TRAPPC9: variants seen among roughly 807,000 people sequenced by gnomAD.
The protein encoded by TRAPPC9 is IKK2 binding protein.
Under a neutral mutation model 124.0 loss-of-function variants are expected in TRAPPC9, and 83 were observed. That is an observed-to-expected ratio of 0.67 (90% CI 0.56 to 0.80). TRAPPC9 has a LOEUF of 0.80. Ranked by LOEUF, TRAPPC9 falls within the 30% of genes least tolerant of loss-of-function variation. TRAPPC9 has a pLI of 0.00. For missense variants in TRAPPC9, 1,302 were observed against 1,508.3 expected (o/e 0.86, Z 2.27); for synonymous variants, 638 against 617.5 (o/e 1.03, Z -0.49).
upstream of TRAPPC9, chr8:140,458,329 A>G (rs774897976): frequency 2.5e-6 from 4 of 1,579,078 alleles, no homozygotes; most frequent in East Asian, 9.2e-5. Flanking sequence ...TGTGAAGCTC[A>G]GGGGTGGAGG....
At chr8:140,366,053 A>G (rs1007607823) in intron 8 of TRAPPC9, among the ~76,000 whole-genome samples, 1 of 152,214 alleles carries the variant, frequency 6.6e-6, no homozygotes, top group Non-Finnish European at 1.5e-5. Flanking sequence ...GTAGTTTGGT[A>G]TGAATAATCA....
At chr8:140,385,398 C>A (rs988891251) in intron 7 of TRAPPC9, among the ~76,000 whole-genome samples, 18 of 151,730 alleles carry the variant, frequency 1.2e-4, no homozygotes, top group Non-Finnish European at 2.4e-4. Flanking sequence ...TTGAAAAGAT[C>A]AACAAAATTG....
At chr8:140,130,463 G>A in intron 17 of TRAPPC9, among the ~76,000 whole-genome samples, 1 of 152,134 alleles carries the variant, frequency 6.6e-6, no homozygotes, top group Non-Finnish European at 1.5e-5. Flanking sequence ...TTGTCATGAG[G>A]TAGCATCAAA....
At chr8:139,745,779 C>T (rs565906472) in intron 21 of TRAPPC9, among the ~76,000 whole-genome samples, 9 of 152,340 alleles carry the variant, frequency 5.9e-5, no homozygotes, top group Admixed American at 5.9e-4. Flanking sequence ...CTGGGCTCGC[C>T]GCCTTGCTAC....
At chr8:140,406,346 C>A (rs1420198915) in intron 5 of TRAPPC9, among the ~76,000 whole-genome samples, 2 of 152,150 alleles carry the variant, frequency 1.3e-5, no homozygotes, top group Non-Finnish European at 2.9e-5. Flanking sequence ...AAAATATTCT[C>A]CTAAATCTCA....
chr8:139,801,710 C>G (rs1370447007), intron 21 of TRAPPC9, among the ~76,000 whole-genome samples: 1 of 152,226 alleles, frequency 6.6e-6, no homozygotes, highest in African/African-American at 2.4e-5. Flanking sequence ...CAGACGGGAC[C>G]TGCCAGGAAT....
At chr8:139,783,894 A>G (rs1471692622) in intron 21 of TRAPPC9, among the ~76,000 whole-genome samples, 1 of 152,258 alleles carries the variant, frequency 6.6e-6, no homozygotes, top group Non-Finnish European at 1.5e-5. Context: ...GAGAAACCAT[A>G]TGATCATCTT....
chr8:140,276,309 C>T (rs1202676861), intron 14 of TRAPPC9, among the ~76,000 whole-genome samples: 1 of 152,168 alleles, frequency 6.6e-6, no homozygotes, highest in Non-Finnish European at 1.5e-5. Context: ...CAGAAGCTGT[C>T]CCACAGACCC....
At chr8:140,198,433 G>A (rs1409154205) in intron 17 of TRAPPC9, among the ~76,000 whole-genome samples, 1 of 151,954 alleles carries the variant, frequency 6.6e-6, no homozygotes, top group African/African-American at 2.4e-5. Flanking sequence ...GGATCAGCTG[G>A]TACCACCCAG....
At chr8:139,747,029 C>T (rs1353535211) in intron 21 of TRAPPC9, among the ~76,000 whole-genome samples, 2 of 152,212 alleles carry the variant, frequency 1.3e-5, no homozygotes, top group Non-Finnish European at 2.9e-5. Flanking sequence ...AATATGCCTG[C>T]TGGCTGGAAG....
chr8:139,787,045 T>C (rs1350485980), intron 21 of TRAPPC9, among the ~76,000 whole-genome samples: 1 of 152,178 alleles, frequency 6.6e-6, no homozygotes, highest in African/African-American at 2.4e-5. Flanking sequence ...TCAGTAAGAC[T>C]ACAACAAAGC....
intron 19 of TRAPPC9, among the ~76,000 whole-genome samples, chr8:139,938,982 CAAAT>C (rs1833722568): frequency 6.6e-6 from 1 of 152,348 alleles, no homozygotes; most frequent in African/African-American, 2.4e-5. Flanking sequence ...AGAAATAAGA[CAAAT>C]GAATAAAGTG....
At chr8:140,376,450 G>A (rs190111145) in intron 7 of TRAPPC9, among the ~76,000 whole-genome samples, 1 of 151,656 alleles carries the variant, frequency 6.6e-6, no homozygotes, top group African/African-American at 2.4e-5. Context: ...CAGCTACTTG[G>A]GAGGCTGAGG....
intron 15 of TRAPPC9, among the ~76,000 whole-genome samples, chr8:140,266,737 G>A (rs2064675117): frequency 6.7e-6 from 1 of 150,324 alleles, no homozygotes; most frequent in African/African-American, 2.5e-5. Flanking sequence ...GTGGGTGCCT[G>A]TAGTCCCAGC....
chr8:140,075,302 A>G (rs1843440203), intron 17 of TRAPPC9, among the ~76,000 whole-genome samples: 1 of 152,240 alleles, frequency 6.6e-6, no homozygotes, highest in Non-Finnish European at 1.5e-5. Context: ...ATTGTTACTC[A>G]TTACAAAGAT....
At chr8:140,213,158 A>G (rs2063105965) in intron 17 of TRAPPC9, among the ~76,000 whole-genome samples, 1 of 149,900 alleles carries the variant, frequency 6.7e-6, no homozygotes, top group Admixed American at 6.6e-5. Flanking sequence ...TATATTTTCC[A>G]TTTCAATTTT....
At chr8:140,346,993 G>A (rs1234040719) in intron 9 of TRAPPC9, among the ~76,000 whole-genome samples, 5 of 152,134 alleles carry the variant, frequency 3.3e-5, no homozygotes, top group Non-Finnish European at 5.9e-5. Context: ...GGGTAGCATC[G>A]GTTCCGGGGC....
Position 139,932,492 on chromosome 8 carries a change from G to T in TRAPPC9, c.2811-22192C>A, listed in dbSNP as rs781770883. 1.0e-4 allele frequency: 47 copies of T among 457,050 alleles called. 2 individuals are homozygous for T. Among genetic ancestry groups the T allele is most frequent in the South Asian group, 7.0e-4 (45 of 64,534 alleles). The allele number at this position is 457,050 out of a possible 1,614,324, so 28.3% of individuals were successfully genotyped here. On this transcript the variant is annotated intron_variant, in intron 19 of 22. Transcript: ENST00000438773. The stretch of plus-strand genomic sequence containing the variant: ...AAATGTCATGTAGACACTGGGCGCG[G>T]TGGCTCACGCCTGTAATCCCAGCAC...
chr8:139,783,199 A>G (rs1821958708), intron 21 of TRAPPC9, among the ~76,000 whole-genome samples: 2 of 152,308 alleles, frequency 1.3e-5, no homozygotes, highest in Admixed American at 6.5e-5. Context: ...GAAATCAATG[A>G]AATAACAAAC....
Sources: gnomAD v4.1 joint callset for allele counts (sites outside exome capture counted in the v4.1 genomes callset) on GRCh38, gnomAD v4.1.1 for gene constraint, MANE v1.5 for transcripts, NCBI Gene and HGNC (gene_info 2026-07-23, HGNC 2026-07-21) for gene names.